The following INSR variants were observed in gnomAD, a reference collection of about 807,000 sequenced individuals.
INSR encodes insulin receptor.
In INSR, 67 loss-of-function variants were observed where a neutral mutation model predicts 142.6. The observed-to-expected ratio is 0.47, with a 90% CI of 0.39 to 0.58. The LOEUF is 0.58. Among genes scored for constraint, INSR ranks in the 20% least tolerant of loss-of-function variants. The pLI is 0.00. For synonymous variants in INSR, 756 were observed against 743.1 expected (o/e 1.02, Z -0.28); for missense variants, 1,248 against 1,833.2 (o/e 0.68, Z 5.83).
chr19:7,234,344 C>G (rs1976091480), intron 2 of INSR, among the ~76,000 whole-genome samples: 1 of 152,082 alleles, frequency 6.6e-6, no homozygotes, highest in South Asian at 2.1e-4. Flanking sequence ...GTAGCTGGGA[C>G]TACAGGCACA....
chr19:7,253,483 C>T (rs1221833533), intron 2 of INSR, among the ~76,000 whole-genome samples: 1 of 151,974 alleles, frequency 6.6e-6, no homozygotes, highest in Non-Finnish European at 1.5e-5. Context: ...AGTGATCTGC[C>T]CGCCTCAGCC....
At chr19:7,242,734 C>CAAAAAAAA (rs71177186) in intron 2 of INSR, among the ~76,000 whole-genome samples, 3 of 92,122 alleles carry the variant, frequency 3.3e-5, no homozygotes, top group Non-Finnish European at 1.9e-5. Context: ...GAGACTGCCT[C>CAAAAAAAA]AAAAAAAAAA....
At chr19:7,251,359 C>T (rs112401739) in intron 2 of INSR, among the ~76,000 whole-genome samples, 3,946 of 152,066 alleles carry the variant, frequency 0.026, 184 homozygotes, top group African/African-American at 0.091. Context: ...TGTGCTCAAG[C>T]GATCCTCCCA....
At chr19:7,194,222 C>T (rs1319904104) in intron 2 of INSR, among the ~76,000 whole-genome samples, 1 of 151,972 alleles carries the variant, frequency 6.6e-6, no homozygotes, top group Non-Finnish European at 1.5e-5. Flanking sequence ...AGTTCGAGAC[C>T]AGCCTGGCCA....
chr19:7,172,119 C>T (rs892098751), intron 5 of INSR, among the ~76,000 whole-genome samples, 171 bp downstream of exon 5: 1 of 151,942 alleles, frequency 6.6e-6, no homozygotes, highest in Non-Finnish European at 1.5e-5. Context: ...ACCATGTTGG[C>T]CAGGCTGGTC....
At chr19:7,255,165 C>T (rs1390816757) in intron 2 of INSR, among the ~76,000 whole-genome samples, 10 of 152,190 alleles carry the variant, frequency 6.6e-5, no homozygotes, top group Admixed American at 5.2e-4. Context: ...CATCTTTCAG[C>T]GCAGCCTTGA....
chr19:7,255,503 T>G (rs1976859600), intron 2 of INSR, among the ~76,000 whole-genome samples: 1 of 134,484 alleles, frequency 7.4e-6, no homozygotes, highest in Non-Finnish European at 1.7e-5. Flanking sequence ...ACCCTGTCTT[T>G]TCTTTTTTTT....
chr19:7,208,430 A>G (rs868690486), intron 2 of INSR, among the ~76,000 whole-genome samples: 1 of 152,340 alleles, frequency 6.6e-6, no homozygotes, highest in East Asian at 1.9e-4. Context: ...ACCGGAAAAA[A>G]AAAATCCCTG....
chr19:7,259,658 A>C (rs1976999207), intron 2 of INSR, among the ~76,000 whole-genome samples: 1 of 152,072 alleles, frequency 6.6e-6, no homozygotes, highest in South Asian at 2.1e-4. Context: ...ATCTCTACTA[A>C]AAATACAAAC....
chr19:7,184,605 T>C lies in INSR; in HGVS notation c.685A>G (p.Thr229Ala). ...CTGTGGCAACAGAGGCCTTCGGCGG[T>C]GCAGCCGTGTGACTTACAGATGGTC... is the stretch of plus-strand genomic sequence containing the variant. ...CPTICKSHGCTAEGLCCHSEC... is the reference protein window; with the variant it reads ...CPTICKSHGCAAEGLCCHSEC... Residue 229 changes from threonine (T) to alanine (A), a missense_variant, in exon 3 of 22, where the codon ACC becomes GCC. Transcript: ENST00000302850. The C allele has an allele frequency of 6.2e-7, 1 of 1,611,714 alleles. No individual in the cohort carries two copies. The highest frequency in any genetic ancestry group is 8.5e-7 in the Non-Finnish European group (1 of 1,179,814).
chr19:7,127,954 G>C (rs1972685617), intron 15 of INSR, among the ~76,000 whole-genome samples: 1 of 151,994 alleles, frequency 6.6e-6, no homozygotes, highest in Non-Finnish European at 1.5e-5. Context: ...ATGTTGGTCA[G>C]GCTGGTCTCG....
intron 3 of INSR, among the ~76,000 whole-genome samples, chr19:7,175,289 G>C (rs185039708): frequency 1.3e-5 from 2 of 152,264 alleles, no homozygotes; most frequent in Admixed American, 1.3e-4. Flanking sequence ...CAAGGAGGGA[G>C]GGTTGCTTGA....
At chr19:7,208,834 C>G (rs1301524711) in intron 2 of INSR, among the ~76,000 whole-genome samples, 1 of 151,748 alleles carries the variant, frequency 6.6e-6, no homozygotes, top group Non-Finnish European at 1.5e-5. Flanking sequence ...GAAACCCCCT[C>G]TCTACTAAAA....
At chr19:7,184,272 C>T (rs1974357907) in intron 3 of INSR, 44 bp downstream of exon 3, 13 of 1,567,610 alleles carry the variant, frequency 8.3e-6, no homozygotes, top group Non-Finnish European at 1.1e-5. Context: ...ACCCCACGTT[C>T]CTTCTCCTCT....
chr19:7,125,671 A>AT lies in INSR; in HGVS notation c.3014-145dup. 1 of 1,115,382 alleles carries AT rather than the reference A, an allele frequency of 9.0e-7. No homozygotes were observed. Among genetic ancestry groups the AT allele is most frequent in the Non-Finnish European group, 1.3e-6 (1 of 760,910 alleles). 69.1% of individuals were successfully genotyped at this position (1,115,382 alleles called of 1,614,324 possible). Reference sequence around the variant, plus strand: ...CCAGGACCCATGCCGGGCACTGGGCATATGGCCGAGAACAGGACAGGCATC... The same window carrying AT: ...CCAGGACCCATGCCGGGCACTGGGCATTATGGCCGAGAACAGGACAGGCATC... On this transcript the variant is annotated intron_variant, in intron 16 of 21. Transcript: ENST00000302850. The surrounding 1 kb of genome is among the most constrained non-coding windows in gnomAD (Gnocchi z 4.9).
intron 9 of INSR, among the ~76,000 whole-genome samples, chr19:7,155,116 A>T (rs955685236): frequency 2.6e-5 from 4 of 152,158 alleles, no homozygotes; most frequent in African/African-American, 9.7e-5. Flanking sequence ...TCTCAAAGAA[A>T]GTCACCACTG....
chr19:7,120,792 G>C, intron 19 of INSR, 43 bp from the exon 20 acceptor site: 1 of 1,607,988 alleles, frequency 6.2e-7, no homozygotes, highest in Non-Finnish European at 8.5e-7. Flanking sequence ...CTTCAGCCTT[G>C]GTCCTAGCAT....
At chr19:7,242,474 G>C (rs565537487) in intron 2 of INSR, among the ~76,000 whole-genome samples, 1 of 151,176 alleles carries the variant, frequency 6.6e-6, no homozygotes, top group South Asian at 2.1e-4. Context: ...GGTGGCTCAT[G>C]CCTGTATTCC....
rs1973705089 is a variant in INSR, at chr19:7,159,908, C to T, written c.2029+3124G>A. 6.6e-6 allele frequency among the ~76,000 whole-genome samples: 1 copy of T among 152,136 alleles called. No homozygotes were observed. The highest frequency in any genetic ancestry group is 6.6e-5 in the Admixed American group (1 of 15,252). The stretch of plus-strand genomic sequence containing the variant: ...GCCTCAGCCACACCTCGCCAGTGGC[C>T]CCCTGGCCTTCTCCTCCAGGGTCAT... On this transcript the variant is annotated intron_variant, in intron 9 of 21. Coordinates refer to ENST00000302850, the MANE Select transcript of INSR (RefSeq NM_000208.4). The surrounding 1 kb of genome is among the most constrained non-coding windows in gnomAD (Gnocchi z 4.3).
Sources: allele counts gnomAD v4.1 joint callset (sites outside exome capture counted in the v4.1 genomes callset), GRCh38; gene constraint gnomAD v4.1.1; non-coding constraint Gnocchi (gnomAD v3.1); transcripts MANE v1.5; gene names NCBI Gene and HGNC (gene_info 2026-07-23, HGNC 2026-07-21).